ELAVL1: variants seen among roughly 807,000 people sequenced by gnomAD.
The protein encoded by ELAVL1 is ELAV like RNA binding protein 1, also known as ELAV-like protein 1.
ELAVL1 carries 1 observed loss-of-function variant against 28.4 expected under a neutral mutation model. The observed-to-expected ratio is 0.04, with a 90% CI of 0.01 to 0.17. ELAVL1 has a LOEUF of 0.17. ELAVL1 is among the 10% of genes least tolerant of loss of function. The pLI, the probability that ELAVL1 is intolerant of heterozygous loss-of-function variation, is 1.00. For missense variants in ELAVL1, 157 were observed against 447.2 expected, an observed-to-expected ratio of 0.35 and a Z score of 5.85; for synonymous variants, 174 against 183.5, an observed-to-expected ratio of 0.95 and a Z score of 0.42.
chr19:7,969,955 C>T (rs1163244022), intron 4 of ELAVL1, among the ~76,000 whole-genome samples: 2 of 151,856 alleles, frequency 1.3e-5, no homozygotes, highest in Non-Finnish European at 2.9e-5. Context: ...TTGTTTTTTT[C>T]TTCCCCTAGT....
Position 7,979,774 on chromosome 19 carries a change from G to T in ELAVL1, c.276+1309C>A, listed in dbSNP as rs1985403736. On this transcript the variant is annotated intron_variant, in intron 3 of 5. Transcript: ENST00000407627. The surrounding 1 kb of genome is among the most constrained non-coding windows in gnomAD (Gnocchi z 5.4). ...GCACACCACGTCCATGCGGCATGGG[G>T]CAGGTCTGGGAGAGCTGCTGCTGAG... Among the ~76,000 whole-genome samples, 1 of 152,240 alleles carries T rather than the reference G, an allele frequency of 6.6e-6. No individual in the cohort carries two copies. The highest frequency in any genetic ancestry group is 6.5e-5 in the Admixed American group (1 of 15,294).
chr19:7,987,121 G>GT (rs1555712395), intron 2 of ELAVL1, among the ~76,000 whole-genome samples: 2 of 149,742 alleles, frequency 1.3e-5, no homozygotes, highest in African/African-American at 4.9e-5. Context: ...GGTGCCGGGG[G>GT]GGGGGGAGGG....
Position 8,005,486 on chromosome 19 carries a change from C to A in ELAVL1, c.-17+9G>T, listed in dbSNP as rs1416013395. 6.8e-6 allele frequency: 1 copy of A among 147,360 alleles called. No individual in the cohort carries two copies. The highest frequency in any genetic ancestry group is 2.4e-5 in the African/African-American group (1 of 40,906). 9.1% of individuals were successfully genotyped at this position (147,360 alleles called of 1,614,324 possible). A position where few individuals can be genotyped will look rare whatever the true frequency, so the allele number is the denominator to read the frequency against. ...GTCGGGCGCCGCCGAAGGCCCCCCA[C>A]CGCCTCACCTGGATGCGGGCGGGCG... On this transcript the variant is annotated intron_variant, in intron 1 of 5. Transcript: ENST00000407627.
At chr19:7,972,915 C>G (rs187467027) in intron 4 of ELAVL1, 4,792 of 144,130 alleles carry the variant, frequency 0.033, 105 homozygotes, top group Middle Eastern at 0.069. Context: ...GGGGTCCAGG[C>G]GATTCTCCTG....
chr19:7,996,674 G>A (rs2081050487), intron 1 of ELAVL1, among the ~76,000 whole-genome samples: 4 of 151,948 alleles, frequency 2.6e-5, no homozygotes, highest in South Asian at 4.1e-4. Flanking sequence ...TTAGCAAGGC[G>A]TGGTGGTGGG....
At chr19:7,973,523 C>G (rs1985183721) in intron 4 of ELAVL1, 1 of 670,486 alleles carries the variant, frequency 1.5e-6, no homozygotes, top group African/African-American at 1.8e-5. Context: ...AGCCACCACG[C>G]CCAGATATCC....
intron 4 of ELAVL1, chr19:7,973,383 A>C: frequency 2.6e-6 from 1 of 391,432 alleles, no homozygotes; most frequent in East Asian, 3.8e-5. Context: ...GGCGCCCGCC[A>C]CCATGCCCAG....
At chr19:7,987,116 C>G (rs866215254) in intron 2 of ELAVL1, among the ~76,000 whole-genome samples, 3 of 47,202 alleles carry the variant, frequency 6.4e-5, no homozygotes, top group African/African-American at 3.1e-4. Flanking sequence ...CGGGGGGTGC[C>G]GGGGGGGGGG....
chr19:8,001,004 G>T (rs958354405), intron 1 of ELAVL1, among the ~76,000 whole-genome samples: 10 of 152,358 alleles, frequency 6.6e-5, no homozygotes, highest in African/African-American at 2.4e-4. Flanking sequence ...TCTGGAGCCT[G>T]GCAGGCCCGA....
intron 1 of ELAVL1, among the ~76,000 whole-genome samples, 197 bp from the exon 2 acceptor site, chr19:7,992,028 C>T (rs554468732): frequency 2.6e-5 from 4 of 151,234 alleles, no homozygotes; most frequent in Admixed American, 1.3e-4. Context: ...GCAACCTCTG[C>T]GTCCCAGGTT....
At chr19:7,966,751 C>T (rs1463900354) in intron 5 of ELAVL1, among the ~76,000 whole-genome samples, 1 of 152,034 alleles carries the variant, frequency 6.6e-6, no homozygotes, top group Non-Finnish European at 1.5e-5. Context: ...TCCTGAGTAG[C>T]TGGGACTAAA....
At position 7,962,264 on chromosome 19, in the gene ELAVL1, A is replaced by G. The variant is rs987876684; in HGVS notation, c.*1219T>C. 6.5e-6 allele frequency: 1 copy of G among 153,828 alleles called. No individual in the cohort carries two copies. The highest frequency in any genetic ancestry group is 2.4e-5 in the African/African-American group (1 of 41,478). The allele number at this position is 153,828 out of a possible 1,614,324, so 9.5% of individuals were successfully genotyped here. On this transcript the variant is annotated 3_prime_UTR_variant, in exon 6 of 6. Coordinates refer to ENST00000407627, the MANE Select transcript of ELAVL1 (RefSeq NM_001419.3). The stretch of plus-strand genomic sequence containing the variant: ...AGAAAGAAAAGGTAAAATAAAAAAC[A>G]AAACAAAATTCGAGCAAAACAAAAT...
rs2145216112 is a variant in ELAVL1, at chr19:7,984,336, CAG to C, written c.173-3152_173-3151del. Among the ~76,000 whole-genome samples the C allele has an allele frequency of 2.6e-5, 4 of 152,278 alleles. 1 individual carries two copies. The highest frequency in any genetic ancestry group is 2.6e-4 in the Admixed American group (4 of 15,294). Reference sequence around the variant, plus strand: ...GGTGAGAAACTGACAAGCATTAAGACAGGGGTCAGGAGGGCCCGTCGCAGAGG... The same window carrying C: ...GGTGAGAAACTGACAAGCATTAAGACGGGTCAGGAGGGCCCGTCGCAGAGG... On this transcript the variant is annotated intron_variant, in intron 2 of 5. Transcript: ENST00000407627.
At chr19:7,985,256 T>C (rs953054211) in intron 2 of ELAVL1, among the ~76,000 whole-genome samples, 1 of 152,142 alleles carries the variant, frequency 6.6e-6, no homozygotes, top group Non-Finnish European at 1.5e-5. Flanking sequence ...GTGATTCCAG[T>C]GCATGAGGGG....
At chr19:7,964,001 CCTGTT>C (rs1984882200) in intron 5 of ELAVL1, among the ~76,000 whole-genome samples, 194 bp from the exon 6 acceptor site, 1 of 152,176 alleles carries the variant, frequency 6.6e-6, no homozygotes, top group African/African-American at 2.4e-5. Flanking sequence ...GGGGCGGGAC[CCTGTT>C]CTGTAGGGAG....
chr19:7,967,937 C>A, intron 4 of ELAVL1, 147 bp from the exon 5 acceptor site: 1 of 805,826 alleles, frequency 1.2e-6, no homozygotes, highest in Non-Finnish European at 1.9e-6. Flanking sequence ...AAAGTGAAAA[C>A]AAATGGATGG....
chr19:7,984,479 TGGCAAG>T (rs1985548779), intron 2 of ELAVL1, among the ~76,000 whole-genome samples: 2 of 152,326 alleles, frequency 1.3e-5, no homozygotes, highest in East Asian at 3.9e-4. Context: ...GTGGCCCGTG[TGGCAAG>T]GGCCTAGGAA....
At chr19:7,971,927 C>T (rs1292486737) in intron 4 of ELAVL1, among the ~76,000 whole-genome samples, 4 of 152,220 alleles carry the variant, frequency 2.6e-5, no homozygotes, top group African/African-American at 9.6e-5. Flanking sequence ...CTCTAGCCTG[C>T]AGGCCAGGAA....
At chr19:7,992,226 C>G (rs1985771306) in intron 1 of ELAVL1, among the ~76,000 whole-genome samples, 2 of 152,160 alleles carry the variant, frequency 1.3e-5, no homozygotes, top group South Asian at 4.1e-4. Context: ...GAGGCATGAG[C>G]CACAGCACCT....
Sources: gnomAD v4.1 joint callset for allele counts (sites outside exome capture counted in the v4.1 genomes callset) on GRCh38, gnomAD v4.1.1 for gene constraint, Gnocchi (gnomAD v3.1) non-coding constraint, MANE v1.5 for transcripts, NCBI Gene and HGNC (gene_info 2026-07-23, HGNC 2026-07-21) for gene names.